The following THNSL1 variants were observed in gnomAD, a reference collection of about 807,000 sequenced individuals.
THNSL1 encodes the protein threonine synthase-like 1.
A neutral mutation model predicts 50.4 loss-of-function variants in THNSL1; 48 were observed. That is an observed-to-expected ratio of 0.95 (90% CI 0.76 to 1.21). The LOEUF (loss-of-function observed/expected upper bound fraction) is 1.21. Ranked by LOEUF, THNSL1 falls within the 50% of genes most tolerant of loss-of-function variation. THNSL1 has a pLI of 0.00. For missense variants in THNSL1, 896 were observed against 871.7 expected (o/e 1.03, Z -0.35); for synonymous variants, 309 against 306.1 (o/e 1.01, Z -0.10).
At chr10:24,999,441 A>G in the THNSL1 span, 1 of 1,612,472 alleles carries the variant, frequency 6.2e-7, no homozygotes, top group Non-Finnish European at 8.5e-7. Context: ...TCTTTAGGAA[A>G]TCCTTTGGAG....
At chr10:24,952,378 G>T in the THNSL1 span, 2 of 867,338 alleles carry the variant, frequency 2.3e-6, no homozygotes, top group Non-Finnish European at 3.7e-6. This position sits in a 1 kb window ranked among gnomAD's most constrained non-coding sequence, Gnocchi z 5.1. Context: ...GGAGGCCCGG[G>T]TCCGAGGATG....
chr10:24,967,926 ATG>A, the THNSL1 span, among the ~76,000 whole-genome samples: 7 of 144,120 alleles, frequency 4.9e-5, no homozygotes, highest in Admixed American at 2.7e-4. Context: ...CGTGTGTATG[ATG>A]TGTGTGTATA....
At chr10:24,990,614 A>G in the THNSL1 span, 3 of 1,591,526 alleles carry the variant, frequency 1.9e-6, no homozygotes, top group South Asian at 3.5e-5. Context: ...ATAATCCTAA[A>G]AAGATTTTGC....
chr10:25,023,108 A>G (rs1015732176), intron 2 of THNSL1, 68 bp from the exon 3 acceptor site: 12 of 983,684 alleles, frequency 1.2e-5, no homozygotes, highest in Non-Finnish European at 1.5e-6. Context: ...TTGGGATTTT[A>G]ACAATCTACT....
the THNSL1 span, among the ~76,000 whole-genome samples, chr10:24,988,270 A>ATATATGTGTATATATATT: frequency 6.9e-6 from 1 of 145,526 alleles, no homozygotes; most frequent in Non-Finnish European, 1.5e-5. Context: ...ATATATTTAT[A>ATATATGTGTATATATATT]TATATGTGTA....
chr10:24,999,320 T>G, the THNSL1 span: 1 of 1,375,682 alleles, frequency 7.3e-7, no homozygotes, highest in Non-Finnish European at 9.9e-7. Flanking sequence ...TGTGCATGTT[T>G]AATATTCATC....
the THNSL1 span, among the ~76,000 whole-genome samples, chr10:24,970,148 A>AGAT: frequency 6.6e-6 from 1 of 152,254 alleles, no homozygotes; most frequent in Non-Finnish European, 1.5e-5. Flanking sequence ...AATCCTTTCA[A>AGAT]GATGATCTGT....
the THNSL1 span, among the ~76,000 whole-genome samples, chr10:24,993,478 T>C: frequency 6.6e-6 from 1 of 152,242 alleles, no homozygotes; most frequent in Non-Finnish European, 1.5e-5. Context: ...CCTCATGTGA[T>C]CATCTATCCT....
the THNSL1 span, among the ~76,000 whole-genome samples, chr10:24,978,451 C>CCT: frequency 8.0e-5 from 12 of 150,250 alleles, no homozygotes; most frequent in African/African-American, 2.7e-4. Flanking sequence ...CTCTCTCTCT[C>CCT]CTCTCTCTCT....
At chr10:25,006,634 C>T in the THNSL1 span, among the ~76,000 whole-genome samples, 1 of 151,914 alleles carries the variant, frequency 6.6e-6, no homozygotes, top group African/African-American at 2.4e-5. Context: ...CTTTGATAGC[C>T]TCATCAAAAA....
the THNSL1 span, among the ~76,000 whole-genome samples, chr10:24,976,729 G>A: frequency 6.6e-6 from 1 of 151,954 alleles, no homozygotes; most frequent in East Asian, 1.9e-4. Flanking sequence ...CCTGACCTCA[G>A]ATGATCCACC....
chr10:25,015,229 T>C (rs1237296004), upstream of THNSL1, among the ~76,000 whole-genome samples: 2 of 152,228 alleles, frequency 1.3e-5, no homozygotes, highest in African/African-American at 4.8e-5. Flanking sequence ...TTCTAAGACC[T>C]ATGTAAAATT....
chr10:24,990,652 C>A, the THNSL1 span: 2 of 1,557,430 alleles, frequency 1.3e-6, no homozygotes. Context: ...ATTTTGTATG[C>A]AATCTTACAT....
upstream of THNSL1, chr10:25,016,005 C>G (rs2291582): frequency 3.9e-4 from 598 of 1,550,682 alleles, no homozygotes; most frequent in East Asian, 0.012. Context: ...ATCTCCGTCC[C>G]TTTCTTCACT....
At chr10:24,981,960 T>C in the THNSL1 span, 1 of 152,208 alleles carries the variant, frequency 6.6e-6, no homozygotes, top group Non-Finnish European at 1.5e-5. Context: ...ATGATAATAA[T>C]ATCAAGAGAT....
the THNSL1 span, chr10:24,983,013 T>C: frequency 1.3e-5 from 2 of 152,192 alleles, no homozygotes; most frequent in African/African-American, 2.4e-5. Context: ...TGAGTATGTA[T>C]AGCAATCATT....
chr10:25,008,284 A>G, the THNSL1 span, among the ~76,000 whole-genome samples: 36 of 152,286 alleles, frequency 2.4e-4, 1 homozygote, highest in African/African-American at 8.2e-4. Context: ...ACTTTCTTTG[A>G]ATATAAGTTA....
In THNSL1 at chr10:25,026,357, A is replaced by T. The variant is rs1850852043; in HGVS notation, c.*902A>T. 6.0e-6 allele frequency: 1 copy of T among 166,816 alleles called. No individual in the cohort carries two copies. The highest frequency in any genetic ancestry group is 1.5e-5 in the Non-Finnish European group (1 of 68,154). The allele number at this position is 166,816 out of a possible 1,614,324, so 10.3% of individuals were successfully genotyped here. On this transcript the variant is annotated 3_prime_UTR_variant, in exon 3 of 3. Coordinates refer to ENST00000376356, the MANE Select transcript of THNSL1 (RefSeq NM_024838.5). The stretch of plus-strand genomic sequence containing the variant: ...AATCCAGGATGAAACAGTAAGCAGA[A>T]CTACTTAGAAGTGAATACAGAAATG...
At chr10:24,977,263 C>T in the THNSL1 span, among the ~76,000 whole-genome samples, 1 of 152,098 alleles carries the variant, frequency 6.6e-6, no homozygotes, top group Non-Finnish European at 1.5e-5. Flanking sequence ...TATTTTCATA[C>T]TATGGATACT....
Sources: gnomAD v4.1 joint callset for allele counts (sites outside exome capture counted in the v4.1 genomes callset) on GRCh38, gnomAD v4.1.1 for gene constraint, Gnocchi (gnomAD v3.1) non-coding constraint, MANE v1.5 for transcripts, NCBI Gene and HGNC (gene_info 2026-07-23, HGNC 2026-07-21) for gene names.